MINK1: variants seen among roughly 807,000 people sequenced by gnomAD.
MINK1 encodes misshapen-like kinase 1.
MINK1 carries 46 observed loss-of-function variants against 178.4 expected under a neutral mutation model. That is an observed-to-expected ratio of 0.26 (90% CI 0.20 to 0.33). The LOEUF (loss-of-function observed/expected upper bound fraction) is 0.33. Among genes scored for constraint, MINK1 ranks in the 10% least tolerant of loss-of-function variants. The probability of loss-of-function intolerance (pLI) is 1.00; values close to 1 mark genes in which losing one functional copy is unlikely to be tolerated. For synonymous variants in MINK1, 797 were observed against 709.7 expected, an observed-to-expected ratio of 1.12 and a Z score of -1.96; for missense variants, 1,366 against 1,814.9, an observed-to-expected ratio of 0.75 and a Z score of 4.49.
At position 4,839,939 on chromosome 17, in the gene MINK1, A is replaced by ATGTG. The variant is rs34473686; in HGVS notation, c.57+6342_57+6345dup. On this transcript the variant is annotated intron_variant, in intron 1 of 31. Transcript: ENST00000355280. ...ACATTAATCAAGTAATTATTTATTA[A>ATGTG]TGTGTGTGTGTGTGTGTGTGTGTGT... is the stretch of plus-strand genomic sequence containing the variant. Among the ~76,000 whole-genome samples, 557 of 141,970 alleles carry ATGTG rather than the reference A, an allele frequency of 3.9e-3. 1 individual carries two copies. The highest frequency in any genetic ancestry group is 0.011 in the Middle Eastern group (3 of 282). The allele number at this position is 141,970 out of a possible 152,430, so 93.1% of individuals were successfully genotyped here. A position where few individuals can be genotyped will look rare whatever the true frequency, so the allele number is the denominator to read the frequency against.
rs755640482 is a variant in MINK1, at chr17:4,886,224, G to C, written c.773+26G>C. ...GTAGGTCTCTGAGAGTGTGGGCTCTGGGAAGGAAGGTCCCTGGACAAGGCC... is the reference window on the plus strand; with the variant it reads ...GTAGGTCTCTGAGAGTGTGGGCTCTCGGAAGGAAGGTCCCTGGACAAGGCC... On this transcript the variant is annotated intron_variant, in intron 9 of 31. Coordinates refer to ENST00000355280, the MANE Select transcript of MINK1 (RefSeq NM_153827.5). This position sits in a 1 kb window ranked among gnomAD's most constrained non-coding sequence, Gnocchi z 6.1. 2.5e-6 allele frequency: 4 copies of C among 1,609,996 alleles called. 1 individual carries two copies. In the South Asian group the frequency reaches 3.3e-5, roughly 13 times the overall value.
At chr17:4,888,531 A>C (rs1260316105) in intron 12 of MINK1, among the ~76,000 whole-genome samples, 4 of 151,310 alleles carry the variant, frequency 2.6e-5, no homozygotes, top group Non-Finnish European at 5.9e-5. Context: ...CCAGCTACTT[A>C]GGAGGCTGAG....
chr17:4,881,348 C>T, intron 4 of MINK1, 91 bp downstream of exon 4: 1 of 1,370,162 alleles, frequency 7.3e-7, no homozygotes, highest in South Asian at 1.3e-5. Flanking sequence ...CAGCATCTCT[C>T]CTTGCCAGCT....
intron 1 of MINK1, among the ~76,000 whole-genome samples, chr17:4,853,620 T>A (rs12601825): frequency 2.6e-5 from 4 of 151,796 alleles, no homozygotes; most frequent in Admixed American, 6.6e-5. Flanking sequence ...CAAGCTTCCC[T>A]GCAGGTTTAA....
chr17:4,887,144 G>A lies in MINK1; in HGVS notation c.984G>A (p.Glu328=). 1 of 1,605,038 alleles carries A rather than the reference G, an allele frequency of 6.2e-7. No individual in the cohort carries two copies. The highest frequency in any genetic ancestry group is 8.5e-7 in the Non-Finnish European group (1 of 1,176,002). ...ETEYEYSGSE[E]EDDSHGEEGE... is the part of the protein sequence containing the mutation. ...AATATGAGTACAGCGGCAGCGAGGA[G>A]GAAGATGACAGCCATGGAGAGGAAG... Residue 328 remains glutamate (E), a synonymous_variant, in exon 11 of 32, where the codon GAG becomes GAA. Coordinates refer to ENST00000355280, the MANE Select transcript of MINK1 (RefSeq NM_153827.5). The surrounding 1 kb of genome is among the most constrained non-coding windows in gnomAD (Gnocchi z 7.6).
chr17:4,889,836 C>A, intron 13 of MINK1, 73 bp downstream of exon 13: 2 of 1,017,500 alleles, frequency 2.0e-6, no homozygotes, highest in Non-Finnish European at 2.7e-6. Flanking sequence ...GCTCCCCGTG[C>A]CCTTCCCCCT....
chr17:4,863,198 G>A lies in MINK1; in HGVS notation c.58-15119G>A, dbSNP rs568253114. On this transcript the variant is annotated intron_variant, in intron 1 of 31. Transcript: ENST00000355280. ...GTTCTGGGTTAATGGTAACAGCGGGGGATAGCTAGAGTCAGTTGGTCACTC... is the reference window on the plus strand; with the variant it reads ...GTTCTGGGTTAATGGTAACAGCGGGAGATAGCTAGAGTCAGTTGGTCACTC... 2.6e-5 allele frequency among the ~76,000 whole-genome samples: 4 copies of A among 152,266 alleles called. No homozygotes were observed. In the East Asian group the frequency reaches 5.8e-4, roughly 22 times the overall value.
Position 4,833,638 on chromosome 17 carries a change from C to A in MINK1, c.55C>A (p.Arg19=). ...GGACGACATCGACCTGTCCGCCCTG[C>A]GGGTGAGCGCGCCGTCCCCCAGCCT... is the stretch of plus-strand genomic sequence containing the variant. ...SLDDIDLSAL[R]DPAGIFELVE... Residue 19 remains arginine (R), a splice_region_variant and synonymous_variant, in exon 1 of 32, where the codon CGG becomes AGG. Coordinates refer to ENST00000355280, the MANE Select transcript of MINK1 (RefSeq NM_153827.5). This position sits in a 1 kb window ranked among gnomAD's most constrained non-coding sequence, Gnocchi z 4.8. The A allele has an allele frequency of 4.7e-6, 7 of 1,493,928 alleles. No individual in the cohort carries two copies. The highest frequency in any genetic ancestry group is 6.2e-6 in the Non-Finnish European group (7 of 1,128,268). The allele number at this position is 1,493,928 out of a possible 1,614,324, so 92.5% of individuals were successfully genotyped here.
chr17:4,854,482 T>G (rs9891959), intron 1 of MINK1, among the ~76,000 whole-genome samples: 35,227 of 152,166 alleles, frequency 0.23, 4,875 homozygotes, highest in African/African-American at 0.39. Context: ...CTGCTCTGAC[T>G]GGTTTCTGAT....
At position 4,895,255 on chromosome 17, in the gene MINK1, A is replaced by G. The variant is rs1185828523; in HGVS notation, c.3085+13A>G. ...GCAGCCCTTTGGGGTAAGCCAGGGC[A>G]GGGACAGCTGAGGAGGCTCTGGCGT... On this transcript the variant is annotated intron_variant, in intron 25 of 31. Coordinates refer to ENST00000355280, the MANE Select transcript of MINK1 (RefSeq NM_153827.5). The surrounding 1 kb of genome is among the most constrained non-coding windows in gnomAD (Gnocchi z 4.3). The G allele has an allele frequency of 3.7e-6, 6 of 1,613,794 alleles. No individual in the cohort carries two copies. Among genetic ancestry groups the G allele is most frequent in the Non-Finnish European group, 5.1e-6 (6 of 1,179,862 alleles).
chr17:4,882,215 G>A (rs1967767491), intron 4 of MINK1, among the ~76,000 whole-genome samples: 1 of 152,222 alleles, frequency 6.6e-6, no homozygotes, highest in African/African-American at 2.4e-5. Context: ...CTCTCACTGT[G>A]CTCTGCTCTC....
chr17:4,892,819 C>A, intron 19 of MINK1, 51 bp downstream of exon 19: 1 of 1,516,450 alleles, frequency 6.6e-7, no homozygotes, highest in Non-Finnish European at 9.0e-7. Context: ...GGCTTATCAC[C>A]ATGGACCCTG....
intron 1 of MINK1, among the ~76,000 whole-genome samples, chr17:4,839,053 C>T (rs572293270): frequency 6.6e-6 from 1 of 152,174 alleles, no homozygotes; most frequent in African/African-American, 2.4e-5. Flanking sequence ...ACGCCATTCT[C>T]CTGCTTCAGC....
At chr17:4,881,363 T>G in intron 4 of MINK1, 106 bp downstream of exon 4, 1 of 1,269,980 alleles carries the variant, frequency 7.9e-7, no homozygotes, top group Non-Finnish European at 1.1e-6. Context: ...CCAGCTACCC[T>G]CCCTCCGGTC....
rs763560224 is a variant in MINK1, at chr17:4,896,821, G to A, written c.3915+8G>A. Reference sequence around the variant, plus strand: ...TGTGAGCGGAATGACAAGGTGGGAGGCTCCTTCCCTCTGAAAGCCCTGCTG... The same window carrying A: ...TGTGAGCGGAATGACAAGGTGGGAGACTCCTTCCCTCTGAAAGCCCTGCTG... On this transcript the variant is annotated splice_region_variant and intron_variant, in intron 31 of 31. Transcript: ENST00000355280. The surrounding 1 kb of genome is among the most constrained non-coding windows in gnomAD (Gnocchi z 4.6). The A allele has an allele frequency of 6.5e-6, 10 of 1,549,296 alleles. No individual in the cohort carries two copies. The highest frequency in any genetic ancestry group is 1.4e-5 in the African/African-American group (1 of 73,066).
Position 4,886,035 on chromosome 17 carries a change from AGGT to A in MINK1, c.694+73_694+75del. On this transcript the variant is annotated intron_variant, in intron 8 of 31. Coordinates refer to ENST00000355280, the MANE Select transcript of MINK1 (RefSeq NM_153827.5). This position sits in a 1 kb window ranked among gnomAD's most constrained non-coding sequence, Gnocchi z 6.1. ...GGCCCAGAGAGTGGCTGTAGGGAGG[AGGT>A]GGGTCCTGGGACCCTGCCGAGGAAG... 1 of 1,608,200 alleles carries A rather than the reference AGGT, an allele frequency of 6.2e-7. No homozygotes were observed. Among genetic ancestry groups the A allele is most frequent in the Admixed American group, 1.7e-5 (1 of 59,982 alleles).
At chr17:4,840,386 G>GA (rs201834399) in intron 1 of MINK1, among the ~76,000 whole-genome samples, 2 of 151,628 alleles carry the variant, frequency 1.3e-5, no homozygotes, top group Non-Finnish European at 1.5e-5. Context: ...TGTGGGAGGG[G>GA]AAAAAAAATG....
At chr17:4,841,882 G>A (rs558982909) in intron 1 of MINK1, among the ~76,000 whole-genome samples, 7 of 152,050 alleles carry the variant, frequency 4.6e-5, no homozygotes, top group Non-Finnish European at 1.0e-4. Flanking sequence ...CCAGGGCACC[G>A]CTGGCCTCCA....
chr17:4,891,419 G>C, intron 15 of MINK1, 37 bp from the exon 16 acceptor site: 1 of 1,522,794 alleles, frequency 6.6e-7, no homozygotes. Context: ...ATGTGCCATG[G>C]AGCAGGCAGC....
Sources: gnomAD v4.1 joint callset for allele counts (sites outside exome capture counted in the v4.1 genomes callset) on GRCh38, gnomAD v4.1.1 for gene constraint, Gnocchi (gnomAD v3.1) non-coding constraint, MANE v1.5 for transcripts, NCBI Gene and HGNC (gene_info 2026-07-23, HGNC 2026-07-21) for gene names.